The following LIPC variants were observed in gnomAD, a reference collection of about 807,000 sequenced individuals.
LIPC encodes hepatic triacylglycerol lipase.
A neutral mutation model predicts 50.7 loss-of-function variants in LIPC; 44 were observed. The ratio of observed to expected loss-of-function variants is 0.87; its 90% CI spans 0.68 to 1.11. The LOEUF (loss-of-function observed/expected upper bound fraction) is 1.11. Ranked by LOEUF, LIPC falls within the 50% of genes most tolerant of loss-of-function variation. The pLI is 0.00. For missense variants in LIPC, 697 were observed against 648.2 expected (o/e 1.08, Z -0.82); for synonymous variants, 271 against 256.4 (o/e 1.06, Z -0.54).
intron 8 of LIPC, chr15:58,566,116 GC>G (rs1894357543): frequency 1.0e-6 from 1 of 975,490 alleles, no homozygotes; most frequent in Non-Finnish European, 1.2e-6. Context: ...CTGATGTTCT[GC>G]ATTTCTAACA....
At chr15:58,547,945 G>A (rs1893595327) in intron 5 of LIPC, among the ~76,000 whole-genome samples, 1 of 152,064 alleles carries the variant, frequency 6.6e-6, no homozygotes, top group Admixed American at 6.6e-5. Context: ...CAGCACCTGG[G>A]CATTTTAAAT....
At chr15:58,478,855 ATG>A (rs1444886923) in intron 1 of LIPC, among the ~76,000 whole-genome samples, 2 of 152,232 alleles carry the variant, frequency 1.3e-5, no homozygotes, top group East Asian at 3.8e-4. Context: ...AAATGAATGA[ATG>A]AGAAAATACC....
intron 8 of LIPC, 25 bp from the exon 9 acceptor site, chr15:58,568,691 T>C (rs765193368): frequency 4.2e-5 from 56 of 1,326,890 alleles, no homozygotes; most frequent in Non-Finnish European, 5.4e-5. Flanking sequence ...CTTAATGCTG[T>C]GTTTGCTTCC....
chr15:58,510,708 T>C (rs73424665), intron 1 of LIPC, among the ~76,000 whole-genome samples: 5,713 of 152,216 alleles, frequency 0.038, 357 homozygotes, highest in African/African-American at 0.13. Context: ...AGACATCAGG[T>C]TTTAACTTGT....
At position 58,545,947 on chromosome 15, in the gene LIPC, C is replaced by A; in HGVS notation, c.780C>A (p.Tyr260Ter). ...CTGGCTGCCACTTCCTAGAGCTCTA[C>A]AGACATATTGCCCAGCACGGCTTCA... ...FQPGCHFLEL[Y>*]RHIAQHGFNA... Residue 260 changes from tyrosine to a stop codon, truncating the protein, a stop_gained, in exon 5 of 9, where the codon TAC becomes TAA. Coordinates refer to ENST00000299022, the MANE Select transcript of LIPC (RefSeq NM_000236.3). LOFTEE classifies it high-confidence loss of function. The A allele has an allele frequency of 6.2e-7, 1 of 1,614,044 alleles. No homozygotes were observed. The highest frequency in any genetic ancestry group is 1.1e-5 in the South Asian group (1 of 91,078).
intron 1 of LIPC, among the ~76,000 whole-genome samples, chr15:58,481,374 A>G (rs558112012): frequency 6.6e-6 from 1 of 152,390 alleles, no homozygotes; most frequent in South Asian, 2.1e-4. Context: ...CTACACATGT[A>G]TGAGAAAAGT....
chr15:58,499,160 C>T (rs764079243), intron 1 of LIPC, among the ~76,000 whole-genome samples: 1 of 152,190 alleles, frequency 6.6e-6, no homozygotes, highest in Non-Finnish European at 1.5e-5. Flanking sequence ...GCACATCGAT[C>T]CTGATTTGAG....
At chr15:58,473,110 C>G (rs1216024769) in intron 1 of LIPC, among the ~76,000 whole-genome samples, 2 of 152,094 alleles carry the variant, frequency 1.3e-5, no homozygotes, top group African/African-American at 2.4e-5. Context: ...CAGCTGGGAC[C>G]TCATGCCTCA....
intron 1 of LIPC, among the ~76,000 whole-genome samples, chr15:58,449,480 A>G (rs373854646): frequency 1.5e-4 from 22 of 151,674 alleles, no homozygotes; most frequent in East Asian, 1.2e-3. Flanking sequence ...ACTGATTGCT[A>G]TTTACTTTGA....
rs575826481 is a variant in LIPC at position 58,512,351 on chromosome 15, G to A, written c.89-25982G>A. Among the ~76,000 whole-genome samples the A allele has an allele frequency of 2.2e-4, 33 of 152,206 alleles. No homozygotes were observed. The East Asian group carries it at 2.3e-3, about 11-fold the overall frequency. On this transcript the variant is annotated intron_variant, in intron 1 of 8. Coordinates refer to ENST00000299022, the MANE Select transcript of LIPC (RefSeq NM_000236.3). ...TGACGTCAGGTCATCCACCTGCCTC[G>A]GCCTACCAAAGTGTTGTTGGGATTA...
At chr15:58,562,718 G>C (rs1366186660) in intron 7 of LIPC, among the ~76,000 whole-genome samples, 2 of 152,114 alleles carry the variant, frequency 1.3e-5, no homozygotes, top group Non-Finnish European at 2.9e-5. Flanking sequence ...CCTAGCCTCT[G>C]GATGCTCACA....
intron 8 of LIPC, 122 bp downstream of exon 8, chr15:58,563,845 T>A: frequency 1.2e-6 from 1 of 843,188 alleles, no homozygotes; most frequent in Non-Finnish European, 1.9e-6. Flanking sequence ...AGTGATGGAG[T>A]ACAGAAGCTC....
At chr15:58,558,012 C>G (rs1314242778) in intron 6 of LIPC, among the ~76,000 whole-genome samples, 1 of 152,178 alleles carries the variant, frequency 6.6e-6, no homozygotes, top group African/African-American at 2.4e-5. Flanking sequence ...TCCCTCTCTC[C>G]AGTGGTGCCA....
At chr15:58,542,043 G>A (rs759010890) in intron 3 of LIPC, 76 bp downstream of exon 3, 8 of 1,471,790 alleles carry the variant, frequency 5.4e-6, no homozygotes, top group Non-Finnish European at 6.5e-6. Context: ...AATTAAGCTG[G>A]TCTCCAACAG....
chr15:58,481,619 A>G (rs1342557648), intron 1 of LIPC, among the ~76,000 whole-genome samples: 1 of 152,110 alleles, frequency 6.6e-6, no homozygotes, highest in Non-Finnish European at 1.5e-5. Context: ...CTTGGCCAAC[A>G]TGGCGAAACC....
At chr15:58,439,115 C>T (rs1893415213) in intron 1 of LIPC, among the ~76,000 whole-genome samples, 2 of 152,068 alleles carry the variant, frequency 1.3e-5, no homozygotes, top group African/African-American at 4.8e-5. Flanking sequence ...GTGTAGGTGG[C>T]GACGCTGAGT....
At chr15:58,492,076 C>A (rs746338470) in intron 1 of LIPC, among the ~76,000 whole-genome samples, 8 of 152,186 alleles carry the variant, frequency 5.3e-5, no homozygotes, top group African/African-American at 1.9e-4. Flanking sequence ...ACTGTCCCTG[C>A]CAAGAACAGA....
Position 58,436,734 on chromosome 15 carries a change from C to T in LIPC, c.88+4614C>T. Reference sequence around the variant, plus strand: ...CATGAGAGAGGAATGAGTAGAGAAGCAGATTTTACTTCCAAGTGGAGGGAA... The same window carrying T: ...CATGAGAGAGGAATGAGTAGAGAAGTAGATTTTACTTCCAAGTGGAGGGAA... On this transcript the variant is annotated intron_variant, in intron 1 of 8. Coordinates refer to ENST00000299022, the MANE Select transcript of LIPC (RefSeq NM_000236.3). 3 of 456,188 alleles carry T rather than the reference C, an allele frequency of 6.6e-6. No individual in the cohort carries two copies. In the Middle Eastern group the frequency reaches 9.8e-4, roughly 148 times the overall value. 28.3% of individuals were successfully genotyped at this position (456,188 alleles called of 1,614,324 possible).
chr15:58,445,273 G>A (rs1380897864), intron 1 of LIPC, among the ~76,000 whole-genome samples: 1 of 152,218 alleles, frequency 6.6e-6, no homozygotes, highest in Admixed American at 6.5e-5. Flanking sequence ...GGCGCCTTAT[G>A]GAACTATCAA....
Sources: gnomAD v4.1 joint callset for allele counts (sites outside exome capture counted in the v4.1 genomes callset) on GRCh38, gnomAD v4.1.1 for gene constraint, MANE v1.5 for transcripts, NCBI Gene and HGNC (gene_info 2026-07-23, HGNC 2026-07-21) for gene names.